The following REN variants were observed in gnomAD, a reference collection of about 807,000 sequenced individuals.
The protein encoded by REN is renin, also known as angiotensin-forming enzyme.
A neutral mutation model predicts 48.6 loss-of-function variants in REN; 42 were observed. The ratio of observed to expected loss-of-function variants is 0.86; its 90% CI spans 0.68 to 1.12. The LOEUF is 1.12. Ranked by LOEUF, REN falls within the 50% of genes most tolerant of loss-of-function variation. The probability of loss-of-function intolerance (pLI) is 0.00; values close to 1 mark genes in which losing one functional copy is unlikely to be tolerated. For missense variants in REN, 443 were observed against 527.3 expected (o/e 0.84, Z 1.57); for synonymous variants, 196 against 204.6 (o/e 0.96, Z 0.36).
At position 204,160,677 on chromosome 1, in the gene REN, C is replaced by T; in HGVS notation, c.375G>A (p.Val125=). Residue 125 remains valine (V), a splice_region_variant and synonymous_variant, in exon 4 of 10, where the codon GTG becomes GTA. Transcript: ENST00000272190. ...SKCSRLYTAC[V]YHKLFDASDS... ...CCGAAGCATCGAAGAGCTTGTGATA[C>T]ACTGGCAGGGGGACAGAGGCTCAGG... 3 of 1,610,838 alleles carry T rather than the reference C, an allele frequency of 1.9e-6. No homozygotes were observed. Among genetic ancestry groups the T allele is most frequent in the Non-Finnish European group, 2.5e-6 (3 of 1,176,968 alleles).
Position 204,156,331 on chromosome 1 carries a change from C to CACAGACAGACAG in REN, c.819-13_819-12insCTGTCTGTCTGT, listed in dbSNP as rs1658149450. Reference sequence around the variant, plus strand: ...ACCCCACAGACACCCTGGGGGAGGCCACAGTCAGACAGACAGACAGACAGA... The same window carrying CACAGACAGACAG: ...ACCCCACAGACACCCTGGGGGAGGCCACAGACAGACAGACAGTCAGACAGACAGACAGACAGA... On this transcript the variant is annotated splice_polypyrimidine_tract_variant and intron_variant, in intron 7 of 9. Transcript: ENST00000272190. This position sits in a 1 kb window ranked among gnomAD's most constrained non-coding sequence, Gnocchi z 4.2. 6.7e-7 allele frequency: 1 copy of CACAGACAGACAG among 1,495,336 alleles called. No homozygotes were observed. Among genetic ancestry groups the CACAGACAGACAG allele is most frequent in the Non-Finnish European group, 9.1e-7 (1 of 1,101,246 alleles). The allele number at this position is 1,495,336 out of a possible 1,614,324, so 92.6% of individuals were successfully genotyped here.
rs1190648826 is a variant in REN at position 204,166,314 on chromosome 1, C to G, written c.-21G>C. ...TCCATGCTTCCCTCAGTCTGGGGCTCTCTCTGAGATCCACTGAGGTTCTGT... is the reference window on the plus strand; with the variant it reads ...TCCATGCTTCCCTCAGTCTGGGGCTGTCTCTGAGATCCACTGAGGTTCTGT... On this transcript the variant is annotated 5_prime_UTR_variant, in exon 1 of 10. Transcript: ENST00000272190. 1.9e-6 allele frequency: 3 copies of G among 1,608,576 alleles called. No homozygotes were observed. The highest frequency in any genetic ancestry group is 2.6e-6 in the Non-Finnish European group (3 of 1,174,926).
chr1:204,159,711 C>T (rs571683977), intron 4 of REN, 116 bp from the exon 5 acceptor site: 13 of 875,762 alleles, frequency 1.5e-5, no homozygotes, highest in Middle Eastern at 6.0e-4. Flanking sequence ...GTACAGAAAT[C>T]GGGGTAAGAG....
intron 5 of REN, among the ~76,000 whole-genome samples, chr1:204,157,636 T>C (rs1658172397): frequency 6.6e-6 from 1 of 152,224 alleles, no homozygotes; most frequent in Admixed American, 6.5e-5. Flanking sequence ...ACTGTAGGCC[T>C]AGTCTCCAGG....
chr1:204,158,411 CTTTTTTT>C (rs576572389), intron 5 of REN, among the ~76,000 whole-genome samples: 10 of 97,220 alleles, frequency 1.0e-4, no homozygotes, highest in South Asian at 1.0e-3. Context: ...ACCCTTGTGA[CTTTTTTT>C]TTTTTTTTTT....
At chr1:204,163,463 C>G (rs535627366) in intron 1 of REN, among the ~76,000 whole-genome samples, 1 of 152,218 alleles carries the variant, frequency 6.6e-6, no homozygotes, top group Non-Finnish European at 1.5e-5. Flanking sequence ...CAGCTGGGAA[C>G]GTGGAGGGTC....
chr1:204,166,194 A>G lies in REN; in HGVS notation c.98+2T>C, dbSNP rs1658345949. 1 of 1,613,530 alleles carries G rather than the reference A, an allele frequency of 6.2e-7. No homozygotes were observed. The highest frequency in any genetic ancestry group is 2.2e-5 in the East Asian group (1 of 44,868). On this transcript the variant is annotated splice_donor_variant, in intron 1 of 9. Transcript: ENST00000272190. LOFTEE classifies it high-confidence loss of function. ...CCCTTCTCTGCCTGAGTTACCAATT[A>G]CCGTTTAAAGGTGGTGGTGTCTGTC...
rs1002692154 is a variant in REN at position 204,156,404 on chromosome 1, G to A, written c.819-85C>T. 184 of 1,435,486 alleles carry A rather than the reference G, an allele frequency of 1.3e-4. No individual in the cohort carries two copies. Among genetic ancestry groups the A allele is most frequent in the Non-Finnish European group, 1.6e-4 (163 of 1,040,088 alleles). 88.9% of individuals were successfully genotyped at this position (1,435,486 alleles called of 1,614,324 possible). On this transcript the variant is annotated intron_variant, in intron 7 of 9. Coordinates refer to ENST00000272190, the MANE Select transcript of REN (RefSeq NM_000537.4). This position sits in a 1 kb window ranked among gnomAD's most constrained non-coding sequence, Gnocchi z 4.2. ...CCTCCAGGCTGCATGTCCTTCCTGA[G>A]TGTGGGTGGGTGGGTGGAGGCCACG...
chr1:204,162,010 C>G lies in REN; in HGVS notation c.249+3G>C. On this transcript the variant is annotated splice_donor_region_variant and intron_variant, in intron 2 of 9. Transcript: ENST00000272190. ...GGAGCGAGGGGCTGAGCCAAGCACT[C>G]ACGTCCATGTAGTTGGTGAGGATCA... 1.2e-6 allele frequency: 2 copies of G among 1,614,150 alleles called. No individual in the cohort carries two copies. The highest frequency in any genetic ancestry group is 1.7e-6 in the Non-Finnish European group (2 of 1,180,024).
intron 1 of REN, among the ~76,000 whole-genome samples, chr1:204,165,568 A>C (rs1658328644): frequency 6.6e-6 from 1 of 151,212 alleles, no homozygotes. Flanking sequence ...TCCCTGGTAC[A>C]GTTAACTGTA....
Position 204,156,317 on chromosome 1 carries a change from A to G in REN, c.821T>C (p.Val274Ala). The change falls in exon 8 of 10, where the codon GTG (valine) becomes GCG (alanine). Residue 274 changes from valine to alanine, a missense_variant and splice_region_variant. Coordinates refer to ENST00000272190, the MANE Select transcript of REN (RefSeq NM_000537.4). This position sits in a 1 kb window ranked among gnomAD's most constrained non-coding sequence, Gnocchi z 4.2. ...TGVWQIQMKG[V>A]SVGSSTLLCE... Reference sequence around the variant, plus strand: ...GAGCAAGGTGGATGACCCCACAGACACCCTGGGGGAGGCCACAGTCAGACA... The same window carrying G: ...GAGCAAGGTGGATGACCCCACAGACGCCCTGGGGGAGGCCACAGTCAGACA... The G allele has an allele frequency of 6.3e-7, 1 of 1,578,618 alleles. No homozygotes were observed. Among genetic ancestry groups the G allele is most frequent in the Non-Finnish European group, 8.6e-7 (1 of 1,159,658 alleles).
intron 5 of REN, among the ~76,000 whole-genome samples, chr1:204,158,411 CTTTTTTTTT>C (rs576572389): frequency 3.1e-5 from 3 of 97,226 alleles, no homozygotes; most frequent in Non-Finnish European, 5.7e-5. Context: ...ACCCTTGTGA[CTTTTTTTTT>C]TTTTTTTTTT....
chr1:204,156,480 C>G lies in REN; in HGVS notation c.819-161G>C, dbSNP rs1295729560. 6.6e-6 allele frequency among the ~76,000 whole-genome samples: 1 copy of G among 152,148 alleles called. No homozygotes were observed. The highest frequency in any genetic ancestry group is 1.5e-5 in the Non-Finnish European group (1 of 68,008). ...AGAGGAGGGAAGGTACTGTCACCCT[C>G]CACCACTTCTCCCCAGGCCCCTCCC... On this transcript the variant is annotated intron_variant, in intron 7 of 9. Coordinates refer to ENST00000272190, the MANE Select transcript of REN (RefSeq NM_000537.4). This position sits in a 1 kb window ranked among gnomAD's most constrained non-coding sequence, Gnocchi z 4.2.
Position 204,155,139 on chromosome 1 carries a change from G to T in REN, c.1098C>A (p.Ile366=). ...YSSKKLCTLA[I]HAMDIPPPTG... ...TGGGTGGCGGGATATCCATGGCGTG[G>T]ATGGCCAGTGTGCACAGCTTTTTAC... Residue 366 remains isoleucine, a synonymous_variant, in exon 10 of 10, where the codon ATC becomes ATA. Coordinates refer to ENST00000272190, the MANE Select transcript of REN (RefSeq NM_000537.4). 1 of 1,614,248 alleles carries T rather than the reference G, an allele frequency of 6.2e-7. No homozygotes were observed. Among genetic ancestry groups the T allele is most frequent in the Non-Finnish European group, 8.5e-7 (1 of 1,180,036 alleles).
At chr1:204,160,714 G>C (rs1246161840) in intron 3 of REN, 36 bp from the exon 4 acceptor site, 2 of 1,509,146 alleles carry the variant, frequency 1.3e-6, no homozygotes, top group African/African-American at 2.7e-5. Context: ...TTGTCCAAGA[G>C]TGGCCCAGAC....
At position 204,159,609 on chromosome 1, in the gene REN, G is replaced by A. The variant is rs1658208331; in HGVS notation, c.493-14C>T. On this transcript the variant is annotated splice_polypyrimidine_tract_variant and intron_variant, in intron 4 of 9. Coordinates refer to ENST00000272190, the MANE Select transcript of REN (RefSeq NM_000537.4). ...GATTCCACCCACCTGTGGGAGGAAG[G>A]ACCAGAGGAGACCAAGCCCACTGCC... 2 of 1,613,172 alleles carry A rather than the reference G, an allele frequency of 1.2e-6. No individual in the cohort carries two copies. The highest frequency in any genetic ancestry group is 1.3e-5 in the African/African-American group (1 of 74,902).
intron 9 of REN, 31 bp downstream of exon 9, chr1:204,155,789 C>T (rs1571644182): frequency 1.3e-6 from 2 of 1,527,972 alleles, no homozygotes; most frequent in South Asian, 1.1e-5. Flanking sequence ...GCCTTTCTCC[C>T]TGCCACCGAG....
At chr1:204,161,958 G>C in intron 2 of REN, 55 bp downstream of exon 2, 4 of 1,605,120 alleles carry the variant, frequency 2.5e-6, no homozygotes, top group Non-Finnish European at 3.4e-6. Flanking sequence ...GAAAGCCCTA[G>C]GTCCATGAGG....
chr1:204,161,405 T>A lies in REN; in HGVS notation c.260A>T (p.Tyr87Phe). ...ILTNYMDTQY[Y>F]GEIGIGTPPQ... is the part of the protein sequence containing the mutation. ...TGGGGTGCCGATGCCAATCTCGCCA[T>A]AGTACTGGGTCTGTGGGGGTAAAAA... is the stretch of plus-strand genomic sequence containing the variant. The change falls in exon 3 of 10, where the codon TAT becomes TTT. Residue 87 changes from tyrosine to phenylalanine, a missense_variant. By Grantham distance (22) the Tyr-to-Phe change is conservative. Transcript: ENST00000272190. 1 of 1,583,882 alleles carries A rather than the reference T, an allele frequency of 6.3e-7. No homozygotes were observed. The highest frequency in any genetic ancestry group is 8.6e-7 in the Non-Finnish European group (1 of 1,163,638).
Sources: allele counts gnomAD v4.1 joint callset (sites outside exome capture counted in the v4.1 genomes callset), GRCh38; gene constraint gnomAD v4.1.1; non-coding constraint Gnocchi (gnomAD v3.1); transcripts MANE v1.5; gene names NCBI Gene and HGNC (gene_info 2026-07-23, HGNC 2026-07-21).